ZNF385D: variants seen among roughly 807,000 people sequenced by gnomAD.
ZNF385D encodes zinc finger protein 659.
A neutral mutation model predicts 35.8 loss-of-function variants in ZNF385D; 15 were observed. That is an observed-to-expected ratio of 0.42 (90% confidence interval 0.28 to 0.64). ZNF385D has a LOEUF of 0.64. Among genes scored for constraint, ZNF385D ranks in the 30% least tolerant of loss-of-function variants. The pLI, the probability that ZNF385D is intolerant of heterozygous loss-of-function variation, is 0.23. For missense variants in ZNF385D, 474 were observed against 494.6 expected (o/e 0.96, Z 0.39); for synonymous variants, 212 against 186.8 (o/e 1.13, Z -1.10).
intron 3 of ZNF385D, among the ~76,000 whole-genome samples, chr3:21,560,786 G>A (rs1396406085): frequency 6.6e-6 from 1 of 152,108 alleles, no homozygotes; most frequent in African/African-American, 2.4e-5. Flanking sequence ...GGGAGTTGGG[G>A]GTATTATCTA....
intron 2 of ZNF385D, among the ~76,000 whole-genome samples, chr3:21,592,557 C>CAAAA (rs67997432): frequency 1.0e-3 from 115 of 114,704 alleles, no homozygotes; most frequent in Non-Finnish European, 1.3e-3. Flanking sequence ...AAAAAAAAAC[C>CAAAA]AAAAACAAAA....
chr3:22,149,662 T>G (rs1286408479), intron 3 of ZNF385D, among the ~76,000 whole-genome samples: 3 of 152,170 alleles, frequency 2.0e-5, no homozygotes, highest in Non-Finnish European at 4.4e-5. Context: ...ATAGGCTATT[T>G]GTTACTTACA....
chr3:21,915,503 T>C (rs1022052399), intron 3 of ZNF385D, among the ~76,000 whole-genome samples: 3 of 152,154 alleles, frequency 2.0e-5, no homozygotes, highest in African/African-American at 7.2e-5. Context: ...ATTTTTTCTG[T>C]TACAAGGTAA....
At chr3:22,181,305 T>C (rs1576456449) in intron 2 of ZNF385D, among the ~76,000 whole-genome samples, 1 of 152,106 alleles carries the variant, frequency 6.6e-6, no homozygotes, top group African/African-American at 2.4e-5. Flanking sequence ...ACATATACTC[T>C]AGGATGGCCC....
At chr3:22,246,619 CT>C (rs1385543858) in intron 2 of ZNF385D, among the ~76,000 whole-genome samples, 1 of 152,120 alleles carries the variant, frequency 6.6e-6, no homozygotes, top group East Asian at 1.9e-4. Context: ...ATCTCAATGG[CT>C]TGACATGTAC....
intron 2 of ZNF385D, among the ~76,000 whole-genome samples, chr3:21,636,209 C>G (rs188924109): frequency 2.6e-5 from 4 of 151,490 alleles, no homozygotes; most frequent in African/African-American, 9.7e-5. Flanking sequence ...ACCACAACCA[C>G]ACCAACATCA....
intron 3 of ZNF385D, among the ~76,000 whole-genome samples, chr3:21,972,953 A>G (rs925530150): frequency 6.6e-6 from 1 of 151,986 alleles, no homozygotes; most frequent in Non-Finnish European, 1.5e-5. Flanking sequence ...AGAAAATACT[A>G]GGACCCAGCG....
intron 3 of ZNF385D, among the ~76,000 whole-genome samples, chr3:21,865,618 G>A (rs972679219): frequency 4.6e-5 from 7 of 152,048 alleles, no homozygotes; most frequent in Admixed American, 2.0e-4. Context: ...ACTTGCTTTG[G>A]GAGAGCAGAG....
chr3:21,584,856 T>TTTCTA (rs796669113), intron 2 of ZNF385D, among the ~76,000 whole-genome samples: 21 of 152,302 alleles, frequency 1.4e-4, no homozygotes, highest in African/African-American at 5.1e-4. Context: ...CTCCTCTAGT[T>TTTCTA]TTCTATTCCA....
intron 4 of ZNF385D, among the ~76,000 whole-genome samples, chr3:21,459,720 C>G (rs1225926692): frequency 6.6e-6 from 1 of 152,014 alleles, no homozygotes; most frequent in Non-Finnish European, 1.5e-5. Flanking sequence ...TTGTACTTGC[C>G]AAATGTATCA....
intron 3 of ZNF385D, among the ~76,000 whole-genome samples, chr3:22,092,754 C>T (rs2593315): frequency 0.82 from 125,008 of 152,018 alleles, 52,314 homozygotes; most frequent in African/African-American, 0.89. Flanking sequence ...TGTCTGGTAA[C>T]CTTAACCTGA....
At chr3:21,570,832 A>T (rs2063313796) in intron 2 of ZNF385D, among the ~76,000 whole-genome samples, 1 of 151,940 alleles carries the variant, frequency 6.6e-6, no homozygotes, top group African/African-American at 2.4e-5. Context: ...AACATTTGTG[A>T]CTCTCCAGTA....
intron 3 of ZNF385D, among the ~76,000 whole-genome samples, chr3:22,080,552 C>G (rs1281118572): frequency 6.6e-6 from 1 of 151,948 alleles, no homozygotes; most frequent in African/African-American, 2.4e-5. Context: ...AACTCTTATA[C>G]ATATATGGTT....
intron 2 of ZNF385D, among the ~76,000 whole-genome samples, chr3:22,345,730 G>C (rs1016923806): frequency 6.6e-6 from 1 of 152,194 alleles, no homozygotes; most frequent in Non-Finnish European, 1.5e-5. Context: ...CCAGCTTCTA[G>C]AAGTGCTACT....
rs559804200 is a variant in ZNF385D at position 21,744,122 on chromosome 3, T to C, written c.22+6773A>G. 2.0e-5 allele frequency among the ~76,000 whole-genome samples: 3 copies of C among 152,312 alleles called. No individual in the cohort carries two copies. In the East Asian group the frequency reaches 5.8e-4, roughly 29 times the overall value. Reference sequence around the variant, plus strand: ...TCTACACCTTAACAGTCACTAGCTTTGTGACCTTGAGAAAGTTGTTTCAGT... The same window carrying C: ...TCTACACCTTAACAGTCACTAGCTTCGTGACCTTGAGAAAGTTGTTTCAGT... On this transcript the variant is annotated intron_variant, in intron 1 of 7. Transcript: ENST00000281523.
At chr3:22,066,621 C>T (rs1699977485) in intron 3 of ZNF385D, among the ~76,000 whole-genome samples, 1 of 149,214 alleles carries the variant, frequency 6.7e-6, no homozygotes, top group Admixed American at 6.7e-5. Context: ...CCTATCTGTG[C>T]ACCAGTGAGA....
chr3:22,313,202 G>C (rs1027049141), intron 2 of ZNF385D, among the ~76,000 whole-genome samples: 11 of 147,036 alleles, frequency 7.5e-5, no homozygotes, highest in African/African-American at 2.7e-4. Context: ...TGAACAATGA[G>C]AACACATGGA....
At chr3:21,900,617 A>T (rs1001733553) in intron 3 of ZNF385D, among the ~76,000 whole-genome samples, 2 of 152,188 alleles carry the variant, frequency 1.3e-5, no homozygotes, top group African/African-American at 2.4e-5. Context: ...AGAACTGACA[A>T]TTCAGAGAAG....
chr3:22,226,735 T>G (rs1476845574), intron 2 of ZNF385D, among the ~76,000 whole-genome samples: 1 of 152,202 alleles, frequency 6.6e-6, no homozygotes, highest in African/African-American at 2.4e-5. Flanking sequence ...CAGTCATGTC[T>G]TTATTTTTGT....
Sources: allele counts gnomAD v4.1 joint callset (sites outside exome capture counted in the v4.1 genomes callset), GRCh38; gene constraint gnomAD v4.1.1; transcripts MANE v1.5; gene names NCBI Gene and HGNC (gene_info 2026-07-23, HGNC 2026-07-21).